Variants in ROBO2 observed in about 807,000 individuals in gnomAD.
ROBO2 encodes the protein roundabout homolog 2.
Under a neutral mutation model 160.8 loss-of-function variants are expected in ROBO2, and 53 were observed. The observed-to-expected ratio is 0.33, with a 90% CI of 0.26 to 0.41. ROBO2 has a LOEUF of 0.41. ROBO2 is among the 10% of genes least tolerant of loss of function. The pLI, the probability that ROBO2 is intolerant of heterozygous loss-of-function variation, is 1.00. For synonymous variants in ROBO2, 664 were observed against 611.7 expected, an observed-to-expected ratio of 1.09 and a Z score of -1.26; for missense variants, 1,577 against 1,722.4, an observed-to-expected ratio of 0.92 and a Z score of 1.49.
At chr3:76,264,191 C>T (rs1278288684) in intron 2 of ROBO2, among the ~76,000 whole-genome samples, 15 of 151,992 alleles carry the variant, frequency 9.9e-5, no homozygotes, top group East Asian at 1.9e-4. Context: ...ACCTATGTAA[C>T]AAACCTTCAC....
intron 2 of ROBO2, among the ~76,000 whole-genome samples, chr3:77,467,603 CT>C (rs1336164626): frequency 1.3e-5 from 2 of 149,360 alleles, no homozygotes; most frequent in Non-Finnish European, 3.0e-5. Context: ...ATCTATCTAT[CT>C]ATCTATCTAT....
intron 6 of ROBO2, among the ~76,000 whole-genome samples, chr3:77,529,458 G>GA (rs1354089965): frequency 6.6e-6 from 1 of 151,586 alleles, no homozygotes; most frequent in Non-Finnish European, 1.5e-5. Flanking sequence ...AAATGAAAAG[G>GA]AAAAATCACC....
chr3:76,678,073 C>A (rs1455048091), intron 2 of ROBO2, among the ~76,000 whole-genome samples: 1 of 145,262 alleles, frequency 6.9e-6, no homozygotes, highest in African/African-American at 2.6e-5. Flanking sequence ...CAGGTTCAAG[C>A]GATTCTCCTG....
At chr3:77,062,367 G>C (rs1444291988) in intron 1 of ROBO2, among the ~76,000 whole-genome samples, 3 of 151,986 alleles carry the variant, frequency 2.0e-5, no homozygotes, top group Non-Finnish European at 4.4e-5. Flanking sequence ...ACAGAATGCA[G>C]TGCAGTTTCT....
rs951849396 is a variant in ROBO2, at chr3:77,457,533, G to T, written c.389-19881G>T. The stretch of plus-strand genomic sequence containing the variant: ...TACAAGTTAAATGGTTATTCACTAA[G>T]AATTGGTCATAAAACTTGATCGGTA... On this transcript the variant is annotated intron_variant, in intron 2 of 25. Coordinates refer to ENST00000461745, the Ensembl canonical transcript of ROBO2. Among the ~76,000 whole-genome samples, 4 of 152,102 alleles carry T rather than the reference G, an allele frequency of 2.6e-5. No homozygotes were observed. In the East Asian group the frequency reaches 5.8e-4, roughly 22 times the overall value.
intron 1 of ROBO2, among the ~76,000 whole-genome samples, chr3:77,069,740 C>T (rs2067215894): frequency 6.6e-6 from 1 of 152,106 alleles, no homozygotes. Flanking sequence ...GGACCAGGTG[C>T]CTGCTCTTCT....
At chr3:76,015,737 G>A (rs919637688) in intron 2 of ROBO2, among the ~76,000 whole-genome samples, 1 of 152,180 alleles carries the variant, frequency 6.6e-6, no homozygotes, top group African/African-American at 2.4e-5. Context: ...GACAAGTTAG[G>A]CAGCAGTTTT....
intron 2 of ROBO2, among the ~76,000 whole-genome samples, chr3:76,135,430 T>A (rs981184497): frequency 2.0e-5 from 3 of 152,112 alleles, no homozygotes; most frequent in African/African-American, 7.2e-5. Flanking sequence ...GATATTTATG[T>A]AGGTAGAACT....
chr3:77,481,873 G>A (rs764347655), intron 4 of ROBO2, among the ~76,000 whole-genome samples: 20 of 152,004 alleles, frequency 1.3e-4, no homozygotes, highest in Non-Finnish European at 2.4e-4. Flanking sequence ...AGAAAACTGG[G>A]GACAAATAAA....
chr3:76,096,280 A>ATT (rs1423697246), intron 2 of ROBO2, among the ~76,000 whole-genome samples: 2 of 152,192 alleles, frequency 1.3e-5, no homozygotes, highest in African/African-American at 4.8e-5. Flanking sequence ...TAACTTTGAG[A>ATT]TAATAAACTA....
chr3:76,810,194 G>A (rs1015706753), intron 2 of ROBO2, among the ~76,000 whole-genome samples: 1 of 151,996 alleles, frequency 6.6e-6, no homozygotes, highest in Non-Finnish European at 1.5e-5. Context: ...ACACCATATT[G>A]GAGGGCAGAG....
chr3:76,682,563 A>G (rs989206057), intron 2 of ROBO2, among the ~76,000 whole-genome samples: 2 of 151,974 alleles, frequency 1.3e-5, no homozygotes, highest in Non-Finnish European at 2.9e-5. Flanking sequence ...GCCCACCACC[A>G]TGCCCAGCTA....
At chr3:77,375,966 A>G (rs990284375) in intron 2 of ROBO2, among the ~76,000 whole-genome samples, 1 of 150,050 alleles carries the variant, frequency 6.7e-6, no homozygotes, top group Non-Finnish European at 1.5e-5. Context: ...AGACCAAGAG[A>G]TCCCTTTCTC....
At chr3:76,699,092 C>G (rs1264505939) in intron 2 of ROBO2, among the ~76,000 whole-genome samples, 2 of 152,070 alleles carry the variant, frequency 1.3e-5, no homozygotes, top group Non-Finnish European at 2.9e-5. Context: ...ATTCTCTAGG[C>G]ATTTATTTTC....
At chr3:77,139,458 A>C (rs932165291) in intron 2 of ROBO2, among the ~76,000 whole-genome samples, 2 of 152,176 alleles carry the variant, frequency 1.3e-5, no homozygotes, top group African/African-American at 2.4e-5. Context: ...ATTAATACTA[A>C]GCAGCCTTGC....
At chr3:76,092,495 A>G (rs2069275943) in intron 2 of ROBO2, among the ~76,000 whole-genome samples, 1 of 152,172 alleles carries the variant, frequency 6.6e-6, no homozygotes, top group Non-Finnish European at 1.5e-5. Flanking sequence ...CATAACTTCT[A>G]TCCCCTAAGT....
At chr3:76,225,764 T>C (rs1704245297) in intron 2 of ROBO2, among the ~76,000 whole-genome samples, 1 of 152,034 alleles carries the variant, frequency 6.6e-6, no homozygotes, top group African/African-American at 2.4e-5. Flanking sequence ...TTTAAAAATG[T>C]TAAAAAGAAG....
chr3:77,090,689 C>T lies in ROBO2; in HGVS notation c.62-7325C>T, dbSNP rs984508525. On this transcript the variant is annotated intron_variant, in intron 1 of 25. Transcript: ENST00000461745. ...TTTATAGCATTGATGTCCTGATCTA[C>T]CTGTTACAAATGAGGCATGAACGTT... Among the ~76,000 whole-genome samples, 93 of 151,964 alleles carry T rather than the reference C, an allele frequency of 6.1e-4. 1 individual carries two copies. Among genetic ancestry groups the T allele is most frequent in the Non-Finnish European group, 1.9e-4 (13 of 67,988 alleles).
chr3:76,239,898 G>T (rs1356548241), intron 2 of ROBO2, among the ~76,000 whole-genome samples: 1 of 152,098 alleles, frequency 6.6e-6, no homozygotes, highest in Non-Finnish European at 1.5e-5. Context: ...TCTAGGTGCA[G>T]ATTGTCAGAG....
Sources: gnomAD v4.1 joint callset for allele counts (sites outside exome capture counted in the v4.1 genomes callset) on GRCh38, gnomAD v4.1.1 for gene constraint, MANE v1.5 for transcripts, NCBI Gene and HGNC (gene_info 2026-07-23, HGNC 2026-07-21) for gene names.